The following FGF13 variants were observed in gnomAD, a reference collection of about 807,000 sequenced individuals.
The protein encoded by FGF13 is fibroblast growth factor 13, also known as fibroblast growth factor homologous factor 2.
A neutral mutation model predicts 19.5 loss-of-function variants in FGF13; 2 were observed. That is an observed-to-expected ratio of 0.10 (90% CI 0.04 to 0.32). The LOEUF (loss-of-function observed/expected upper bound fraction) is 0.32, where lower values mean the gene tolerates loss of function less well. Ranked by LOEUF, FGF13 falls within the 10% of genes least tolerant of loss-of-function variation. FGF13 has a pLI of 1.00. For synonymous variants in FGF13, 72 were observed against 76.9 expected, an observed-to-expected ratio of 0.94 and a Z score of 0.33; for missense variants, 113 against 192.7, an observed-to-expected ratio of 0.59 and a Z score of 2.45.
At chrX:139,032,375 T>C (rs944110405) in intron 1 of FGF13, among the ~76,000 whole-genome samples, 2 of 111,600 alleles carry the variant, frequency 1.8e-5, no homozygotes, top group African/African-American at 6.5e-5. Flanking sequence ...TCCTTCAGAA[T>C]ATACCTATAG....
chrX:138,790,176 G>A (rs1249045775), intron 3 of FGF13, among the ~76,000 whole-genome samples: 1 of 105,967 alleles, frequency 9.4e-6, no homozygotes, highest in African/African-American at 3.4e-5. Flanking sequence ...TGCCAGCGTG[G>A]TTGGATCCTG....
chrX:139,165,154 TAC>T (rs748033411), intron 1 of FGF13, among the ~76,000 whole-genome samples: 10 of 112,463 alleles, frequency 8.9e-5, no homozygotes, highest in African/African-American at 2.6e-4. Context: ...GCATCCTTGT[TAC>T]ACAGTTGCAA....
downstream of FGF13, among the ~76,000 whole-genome samples, chrX:138,856,291 A>T (rs2091257491): frequency 9.0e-6 from 1 of 111,447 alleles, no homozygotes. Flanking sequence ...ACACAGATAC[A>T]TGTAGGCTTC....
intron 3 of FGF13, among the ~76,000 whole-genome samples, chrX:138,750,929 G>A (rs186940978): frequency 9.0e-6 from 1 of 110,932 alleles, no homozygotes; most frequent in East Asian, 2.9e-4. Flanking sequence ...AGGAAGAGGA[G>A]GCAGTGAAGG....
chrX:138,969,778 A>C (rs148483088), intron 1 of FGF13, among the ~76,000 whole-genome samples: 3,412 of 111,778 alleles, frequency 0.031, 57 homozygotes, highest in Admixed American at 0.084. Flanking sequence ...CACCAATGGA[A>C]ATCCATAAAG....
intron 3 of FGF13, among the ~76,000 whole-genome samples, chrX:138,795,879 T>C (rs1205763284): frequency 9.0e-6 from 1 of 111,260 alleles, no homozygotes; most frequent in Non-Finnish European, 1.9e-5. Context: ...ACTTCTCCAG[T>C]GTCCTTCAAG....
At chrX:138,732,274 A>T (rs1279763815) in intron 1 of FGF13, among the ~76,000 whole-genome samples, 1 of 112,139 alleles carries the variant, frequency 8.9e-6, no homozygotes, top group Non-Finnish European at 1.9e-5. Flanking sequence ...TTGTCCACAA[A>T]AAGATTGGTA....
At chrX:138,908,460 G>C (rs1354698790) in intron 1 of FGF13, among the ~76,000 whole-genome samples, 1 of 106,419 alleles carries the variant, frequency 9.4e-6, no homozygotes, top group African/African-American at 3.5e-5. Context: ...GATCAAGTTA[G>C]AATCTCATTT....
chrX:139,036,967 G>C, intron 1 of FGF13, among the ~76,000 whole-genome samples: 1 of 110,777 alleles, frequency 9.0e-6, no homozygotes, highest in Non-Finnish European at 1.9e-5. Context: ...ATCTGAGTGG[G>C]GACACAGCCA....
chrX:139,035,398 T>C (rs1214724684), intron 1 of FGF13, among the ~76,000 whole-genome samples: 1 of 111,431 alleles, frequency 9.0e-6, no homozygotes, highest in Non-Finnish European at 1.9e-5. Context: ...ATTTGAAAAA[T>C]TAAGTTCCTG....
chrX:139,061,007 A>G (rs1335105317), intron 1 of FGF13, among the ~76,000 whole-genome samples: 1 of 111,219 alleles, frequency 9.0e-6, no homozygotes. Context: ...CTCATTTTAG[A>G]TATAGTTTCA....
intron 3 of FGF13, among the ~76,000 whole-genome samples, chrX:138,829,165 C>T (rs371849653): frequency 1.8e-5 from 2 of 111,698 alleles, no homozygotes; most frequent in Admixed American, 1.9e-4. Context: ...CTCACACACA[C>T]GTTTTCTCAG....
At chrX:138,890,518 T>G (rs2091471725) in intron 1 of FGF13, among the ~76,000 whole-genome samples, 1 of 111,656 alleles carries the variant, frequency 9.0e-6, no homozygotes, top group Non-Finnish European at 1.9e-5. Flanking sequence ...AGGTATTGAG[T>G]ATTGTACATA....
At chrX:139,068,782 C>G (rs1230881965) in intron 1 of FGF13, among the ~76,000 whole-genome samples, 1 of 111,048 alleles carries the variant, frequency 9.0e-6, no homozygotes, top group African/African-American at 3.3e-5. Flanking sequence ...ATTTGACTCT[C>G]TGTTTGTCTG....
At chrX:138,886,060 C>A (rs2091450241) in intron 1 of FGF13, among the ~76,000 whole-genome samples, 1 of 111,927 alleles carries the variant, frequency 8.9e-6, no homozygotes, top group Admixed American at 9.5e-5. Flanking sequence ...ATTGCATCCA[C>A]ATGGGTTATG....
At chrX:138,704,041 C>T (rs942256458) in intron 2 of FGF13, among the ~76,000 whole-genome samples, 2 of 112,270 alleles carry the variant, frequency 1.8e-5, no homozygotes, top group African/African-American at 6.5e-5. Context: ...AAAGGACCAA[C>T]ATTTTCCAAG....
intron 1 of FGF13, among the ~76,000 whole-genome samples, chrX:139,090,799 G>A (rs944998700): frequency 8.2e-5 from 9 of 109,281 alleles, no homozygotes; most frequent in Non-Finnish European, 1.5e-4. Context: ...AAATTAGCCG[G>A]GTGTGCTAGT....
intron 3 of FGF13, among the ~76,000 whole-genome samples, chrX:138,660,412 G>C (rs918051387): frequency 5.4e-5 from 6 of 111,303 alleles, no homozygotes; most frequent in Non-Finnish European, 1.1e-4. Context: ...CAATGATTTG[G>C]AGTGCCCTTC....
chrX:138,828,818 G>C (rs1159695618), intron 3 of FGF13, among the ~76,000 whole-genome samples: 1 of 110,426 alleles, frequency 9.1e-6, no homozygotes, highest in Non-Finnish European at 1.9e-5. Context: ...TAGCATTGTG[G>C]TCTTCAATTC....
Sources: gnomAD v4.1 joint callset for allele counts (sites outside exome capture counted in the v4.1 genomes callset) on GRCh38, gnomAD v4.1.1 for gene constraint, MANE v1.5 for transcripts, NCBI Gene and HGNC (gene_info 2026-07-23, HGNC 2026-07-21) for gene names.